Variants in RABGAP1L observed in about 807,000 individuals in gnomAD.
RABGAP1L encodes RAB GTPase activating protein 1 like.
In RABGAP1L, 63 loss-of-function variants were observed where a neutral mutation model predicts 137.7. The ratio of observed to expected loss-of-function variants is 0.46; its 90% CI spans 0.37 to 0.56. The LOEUF (loss-of-function observed/expected upper bound fraction) is 0.56, where lower values mean the gene tolerates loss of function less well. Ranked by LOEUF, RABGAP1L falls within the 20% of genes least tolerant of loss-of-function variation. The pLI, the probability that RABGAP1L is intolerant of heterozygous loss-of-function variation, is 0.00. For missense variants in RABGAP1L, 1,095 were observed against 1,244.0 expected, an observed-to-expected ratio of 0.88 and a Z score of 1.80; for synonymous variants, 431 against 433.7, an observed-to-expected ratio of 0.99 and a Z score of 0.08.
At chr1:174,634,981 T>C (rs2148331133) in intron 13 of RABGAP1L, among the ~76,000 whole-genome samples, 1 of 149,698 alleles carries the variant, frequency 6.7e-6, no homozygotes, top group East Asian at 2.0e-4. Flanking sequence ...CATGTATACA[T>C]ATGTATCTAA....
intron 19 of RABGAP1L, among the ~76,000 whole-genome samples, chr1:174,849,251 C>A (rs1031288805): frequency 6.6e-6 from 1 of 152,058 alleles, no homozygotes. Context: ...TTGAAAATGT[C>A]ACAGTCTTAA....
intron 13 of RABGAP1L, chr1:174,547,786 A>T (rs1666138748): frequency 7.0e-7 from 1 of 1,423,010 alleles, no homozygotes; most frequent in Non-Finnish European, 9.6e-7. Context: ...GCATCAGTTT[A>T]TTACCTATTA....
intron 19 of RABGAP1L, among the ~76,000 whole-genome samples, chr1:174,946,773 C>T (rs368392711): frequency 6.6e-5 from 10 of 150,420 alleles, no homozygotes; most frequent in Admixed American, 2.0e-4. Context: ...TGGTGGCAGG[C>T]GCTTGTAATC....
rs779775199 is a variant in RABGAP1L, at chr1:174,449,084, C to T, written c.1710+54939C>T. ...ATACAGCCTCTCCAACAGCGTTTTC[C>T]GGCTAGGCCTCCGAAGACTGTCTGA... On this transcript the variant is annotated intron_variant, in intron 13 of 25. Transcript: ENST00000681986. 1.2e-5 allele frequency: 20 copies of T among 1,613,898 alleles called. No individual in the cohort carries two copies. The highest frequency in any genetic ancestry group is 7.7e-5 in the South Asian group (7 of 91,086).
At chr1:174,841,365 C>T (rs939001017) in intron 19 of RABGAP1L, among the ~76,000 whole-genome samples, 14 of 152,040 alleles carry the variant, frequency 9.2e-5, no homozygotes, top group African/African-American at 3.4e-4. Context: ...TAAAATAATT[C>T]TTAGATCAGA....
At chr1:174,877,355 T>C in intron 19 of RABGAP1L, 1 of 1,416,224 alleles carries the variant, frequency 7.1e-7, no homozygotes, top group African/African-American at 1.4e-5. Flanking sequence ...TCTTTCTTTC[T>C]TTCTGGATTT....
chr1:174,344,764 A>T (rs1242218257), intron 11 of RABGAP1L, among the ~76,000 whole-genome samples: 3 of 152,168 alleles, frequency 2.0e-5, no homozygotes, highest in Non-Finnish European at 4.4e-5. Flanking sequence ...TTTGTGAATT[A>T]TCCACTTACC....
chr1:174,699,509 A>G lies in RABGAP1L; in HGVS notation c.1900-16A>G, dbSNP rs185835687. ...TGCCACTTATTTATATTGTATATGT[A>G]TATATTTTTCTGTAGATGCCAGAGG... On this transcript the variant is annotated splice_polypyrimidine_tract_variant and intron_variant, in intron 15 of 25. Coordinates refer to ENST00000681986, the MANE Select transcript of RABGAP1L (RefSeq NM_001366446.1). The G allele has an allele frequency of 2.2e-3, 3,597 of 1,607,568 alleles. 6 individuals carry two copies. The highest frequency in any genetic ancestry group is 2.8e-3 in the Non-Finnish European group (3,243 of 1,176,570).
At chr1:174,891,165 A>G (rs1229873046) in intron 19 of RABGAP1L, among the ~76,000 whole-genome samples, 2 of 152,248 alleles carry the variant, frequency 1.3e-5, no homozygotes, top group Non-Finnish European at 2.9e-5. Flanking sequence ...ATAGGAATTT[A>G]TCAGATTGTC....
chr1:174,367,368 A>G lies in RABGAP1L; in HGVS notation c.1466-3611A>G, dbSNP rs536999588. 1.0e-4 allele frequency: 18 copies of G among 180,720 alleles called. No individual in the cohort carries two copies. In the East Asian group the frequency reaches 3.1e-3, roughly 31 times the overall value. The allele number at this position is 180,720 out of a possible 1,614,324, so 11.2% of individuals were successfully genotyped here. ...TCCAGGGTTATCAATAGATACAGTC[A>G]GATTCCTGCGTTTGTGATAGATGTC... is the stretch of plus-strand genomic sequence containing the variant. On this transcript the variant is annotated intron_variant, in intron 11 of 25. Transcript: ENST00000681986.
chr1:174,675,470 C>A (rs1677544160), intron 14 of RABGAP1L, among the ~76,000 whole-genome samples: 1 of 151,624 alleles, frequency 6.6e-6, no homozygotes, highest in Admixed American at 6.6e-5. Context: ...GTACCAGTAC[C>A]ATGCTGTTTT....
intron 19 of RABGAP1L, among the ~76,000 whole-genome samples, chr1:174,822,168 G>A (rs1308487472): frequency 6.6e-6 from 1 of 152,246 alleles, no homozygotes; most frequent in Admixed American, 6.5e-5. Flanking sequence ...GGCTGAGGCA[G>A]GAGAATCACT....
intron 7 of RABGAP1L, among the ~76,000 whole-genome samples, chr1:174,253,055 G>A (rs1440650431): frequency 6.6e-6 from 1 of 152,034 alleles, no homozygotes; most frequent in African/African-American, 2.4e-5. Flanking sequence ...TATAAATAAA[G>A]TCAACAAGAA....
At chr1:174,865,882 TG>T (rs1217747516) in intron 19 of RABGAP1L, among the ~76,000 whole-genome samples, 1 of 152,200 alleles carries the variant, frequency 6.6e-6, no homozygotes, top group Non-Finnish European at 1.5e-5. Context: ...TCTGTAAGAC[TG>T]TATGTATCAT....
In RABGAP1L at chr1:174,580,521, T is replaced by C. The variant is rs1347289219; in HGVS notation, c.1711-56854T>C. On this transcript the variant is annotated intron_variant, in intron 13 of 25. Transcript: ENST00000681986. ...CTGGAAACCATCATTCTCAGCAAAC[T>C]ATCACAAGGACAAAATCTAAACACT... 2.0e-5 allele frequency among the ~76,000 whole-genome samples: 3 copies of C among 152,050 alleles called. No individual in the cohort carries two copies. The East Asian group carries it at 5.8e-4, about 29-fold the overall frequency.
At chr1:174,639,414 A>G (rs1476651855) in intron 14 of RABGAP1L, among the ~76,000 whole-genome samples, 3 of 152,210 alleles carry the variant, frequency 2.0e-5, no homozygotes, top group African/African-American at 7.2e-5. Context: ...GACAAAAGTA[A>G]TTATTTAAAA....
chr1:174,272,859 G>T (rs569017476), intron 8 of RABGAP1L, among the ~76,000 whole-genome samples: 36 of 151,832 alleles, frequency 2.4e-4, no homozygotes, highest in African/African-American at 8.2e-4. Context: ...GTTTGTGATG[G>T]GTACTTTTGT....
chr1:174,774,085 G>A (rs1246683740), intron 18 of RABGAP1L, among the ~76,000 whole-genome samples: 1 of 152,172 alleles, frequency 6.6e-6, no homozygotes, highest in Non-Finnish European at 1.5e-5. Context: ...TGTAACTGAA[G>A]CATATACAGT....
In RABGAP1L at chr1:174,448,996, T is replaced by C; in HGVS notation, c.1710+54851T>C. Reference sequence around the variant, plus strand: ...TAGAAAGCTCCCGGGTCTTGGACAATCCAACTCTGTCCTTCTTAACAACCT... The same window carrying C: ...TAGAAAGCTCCCGGGTCTTGGACAACCCAACTCTGTCCTTCTTAACAACCT... On this transcript the variant is annotated intron_variant, in intron 13 of 25. Coordinates refer to ENST00000681986, the MANE Select transcript of RABGAP1L (RefSeq NM_001366446.1). The surrounding 1 kb of genome is among the most constrained non-coding windows in gnomAD (Gnocchi z 4.2). 1 of 1,613,306 alleles carries C rather than the reference T, an allele frequency of 6.2e-7. No homozygotes were observed. Among genetic ancestry groups the C allele is most frequent in the Non-Finnish European group, 8.5e-7 (1 of 1,179,268 alleles).
Sources: allele counts gnomAD v4.1 joint callset (sites outside exome capture counted in the v4.1 genomes callset), GRCh38; gene constraint gnomAD v4.1.1; non-coding constraint Gnocchi (gnomAD v3.1); transcripts MANE v1.5; gene names NCBI Gene and HGNC (gene_info 2026-07-23, HGNC 2026-07-21).